RAPH1: variants seen among roughly 807,000 people sequenced by gnomAD.
RAPH1 encodes ras-associated and pleckstrin homology domains-containing protein 1.
Under a neutral mutation model 88.1 loss-of-function variants are expected in RAPH1, and 18 were observed. The observed-to-expected ratio is 0.20, with a 90% CI of 0.14 to 0.30. RAPH1 has a LOEUF of 0.30. RAPH1 is among the 10% of genes least tolerant of loss of function. The pLI is 1.00. For missense variants in RAPH1, 1,448 were observed against 1,543.2 expected (o/e 0.94, Z 1.03); for synonymous variants, 587 against 559.0 (o/e 1.05, Z -0.71).
At chr2:203,510,040 T>C (rs895179263) in intron 1 of RAPH1, among the ~76,000 whole-genome samples, 3 of 152,092 alleles carry the variant, frequency 2.0e-5, no homozygotes, top group African/African-American at 7.2e-5. Flanking sequence ...TTATAAATTA[T>C]ACAGTCTCAG....
At chr2:203,493,971 C>CAAAAAAAAAAAAAA (rs397937732) in intron 2 of RAPH1, among the ~76,000 whole-genome samples, 5 of 18,944 alleles carry the variant, frequency 2.6e-4, no homozygotes, top group Non-Finnish European at 3.6e-4. Flanking sequence ...GACTCTATCT[C>CAAAAAAAAAAAAAA]AAAAAAAAAA....
chr2:203,492,872 A>G (rs1688333604), intron 2 of RAPH1, among the ~76,000 whole-genome samples: 1 of 151,976 alleles, frequency 6.6e-6, no homozygotes, highest in Non-Finnish European at 1.5e-5. Context: ...AAAGCTATGA[A>G]CCCTCTTCCA....
At position 203,440,117 on chromosome 2, in the gene RAPH1, G is replaced by A. The variant is rs953437959; in HGVS notation, c.3073C>T (p.Pro1025Ser). The A allele has an allele frequency of 6.2e-7, 1 of 1,613,546 alleles. No individual in the cohort carries two copies. Among genetic ancestry groups the A allele is most frequent in the Non-Finnish European group, 8.5e-7 (1 of 1,180,000 alleles). ...GAAAGATTGAGTTTTCCAGGCTTGG[G>A]GGGTGCTGCAGGAGGTGGTAGGGTC... ...KETLPPPAAPPKPGKLNLSGV... is the reference protein window; with the variant it reads ...KETLPPPAAPSKPGKLNLSGV... Residue 1025 changes from proline to serine, a missense_variant, in exon 14 of 14, where the codon CCC (proline) becomes TCC (serine). Pro to Ser is a moderately conservative substitution (Grantham distance 74, BLOSUM62 -1). Around this residue, in one of 2 missense-constraint regions of RAPH1, gnomAD observed 935 missense variants for 890.1 expected, o/e 1.05. Coordinates refer to ENST00000319170, the MANE Select transcript of RAPH1 (RefSeq NM_213589.3).
intron 1 of RAPH1, among the ~76,000 whole-genome samples, chr2:203,510,238 A>T (rs1268159834): frequency 6.6e-6 from 1 of 150,388 alleles, no homozygotes; most frequent in African/African-American, 2.5e-5. Context: ...CAGGAGGCTA[A>T]CGTAGGAAAA....
intron 4 of RAPH1, among the ~76,000 whole-genome samples, chr2:203,478,213 T>G (rs1200305112): frequency 2.0e-5 from 3 of 151,928 alleles, no homozygotes; most frequent in African/African-American, 7.2e-5. Flanking sequence ...TTTCTGTATT[T>G]TTAGTAGAGA....
At chr2:203,526,801 T>TC (rs1690142157) in intron 1 of RAPH1, among the ~76,000 whole-genome samples, 1 of 151,908 alleles carries the variant, frequency 6.6e-6, no homozygotes, top group South Asian at 2.1e-4. Context: ...TTTTTTTTTT[T>TC]TGAGACAGAG....
intron 1 of RAPH1, among the ~76,000 whole-genome samples, chr2:203,499,133 G>A (rs1399727741): frequency 6.6e-6 from 1 of 152,158 alleles, no homozygotes; most frequent in Non-Finnish European, 1.5e-5. Context: ...ACACATGACT[G>A]TACAGACTCT....
At chr2:203,512,381 C>CA (rs1216777911) in intron 1 of RAPH1, among the ~76,000 whole-genome samples, 1 of 144,108 alleles carries the variant, frequency 6.9e-6, no homozygotes, top group Non-Finnish European at 1.5e-5. Context: ...ACCCAAAAAA[C>CA]AAAAAACAAA....
chr2:203,508,930 C>T (rs1013366856), intron 1 of RAPH1, among the ~76,000 whole-genome samples: 2 of 152,078 alleles, frequency 1.3e-5, no homozygotes, highest in Non-Finnish European at 1.5e-5. Context: ...TATGCATATG[C>T]TCCCTTTCCT....
At position 203,436,241 on chromosome 2, in the gene RAPH1, T is replaced by C. The variant is rs756914138; in HGVS notation, c.*3196A>G. Reference sequence around the variant, plus strand: ...GGACTATAAAACGCCATGTTTACTTTGTTTGAAATTTTCTGATGAAAAGTC... The same window carrying C: ...GGACTATAAAACGCCATGTTTACTTCGTTTGAAATTTTCTGATGAAAAGTC... On this transcript the variant is annotated 3_prime_UTR_variant, in exon 14 of 14. Transcript: ENST00000319170. 4.6e-5 allele frequency: 7 copies of C among 152,236 alleles called. No individual in the cohort carries two copies. The highest frequency in any genetic ancestry group is 8.8e-5 in the Non-Finnish European group (6 of 68,046). 9.4% of individuals were successfully genotyped at this position (152,236 alleles called of 1,614,324 possible). A position where few individuals can be genotyped will look rare whatever the true frequency, so the allele number is the denominator to read the frequency against.
At chr2:203,506,832 C>A (rs28392538) in intron 1 of RAPH1, among the ~76,000 whole-genome samples, 5 of 11,674 alleles carry the variant, frequency 4.3e-4, no homozygotes, top group African/African-American at 5.6e-4. Flanking sequence ...ATATATATAT[C>A]TATATCTATA....
intron 4 of RAPH1, among the ~76,000 whole-genome samples, chr2:203,462,402 AAAC>A (rs1208051819): frequency 1.3e-5 from 2 of 152,212 alleles, no homozygotes; most frequent in Non-Finnish European, 2.9e-5. Context: ...CTACAACAAA[AAAC>A]AATACCTACC....
At chr2:203,480,260 T>C (rs1275510129) in intron 4 of RAPH1, among the ~76,000 whole-genome samples, 4 of 152,194 alleles carry the variant, frequency 2.6e-5, no homozygotes, top group Non-Finnish European at 4.4e-5. Context: ...TTAAAAAGCA[T>C]TGATCTGGCT....
At chr2:203,496,074 G>A (rs1688496745) in intron 1 of RAPH1, among the ~76,000 whole-genome samples, 1 of 152,206 alleles carries the variant, frequency 6.6e-6, no homozygotes, top group Non-Finnish European at 1.5e-5. Flanking sequence ...ATAAAATAGT[G>A]TGGCTGGGCG....
At chr2:203,525,158 A>G (rs892452484) in intron 1 of RAPH1, among the ~76,000 whole-genome samples, 5 of 152,202 alleles carry the variant, frequency 3.3e-5, no homozygotes, top group African/African-American at 9.6e-5. Flanking sequence ...CAACAGGAAA[A>G]TGGATAAGAA....
chr2:203,476,927 A>G (rs1238145086), intron 4 of RAPH1: 1 of 585,082 alleles, frequency 1.7e-6, no homozygotes, highest in Non-Finnish European at 3.0e-6. Context: ...CCATATCTAA[A>G]GTTGCTTATT....
chr2:203,467,819 G>A (rs2098529836), intron 4 of RAPH1, among the ~76,000 whole-genome samples: 1 of 151,886 alleles, frequency 6.6e-6, no homozygotes, highest in Non-Finnish European at 1.5e-5. Flanking sequence ...CCAGGCTAGA[G>A]TGCAGTGGTG....
Position 203,439,560 on chromosome 2 carries a change from C to T in RAPH1, c.3630G>A (p.Leu1210=). ...CGTAACCAGCCTTCTGTTGATCAGA[C>T]AGCAGTTCAGGGGGTGGTGGAGGCA... is the stretch of plus-strand genomic sequence containing the variant. ...MALPPPPPEL[L]SDQQKAGYGG... The change falls in exon 14 of 14, where the codon CTG becomes CTA. Residue 1210 remains leucine (L), a synonymous_variant. Coordinates refer to ENST00000319170, the MANE Select transcript of RAPH1 (RefSeq NM_213589.3). 1 of 1,614,138 alleles carries T rather than the reference C, an allele frequency of 6.2e-7. No homozygotes were observed. The highest frequency in any genetic ancestry group is 8.5e-7 in the Non-Finnish European group (1 of 1,180,016).
chr2:203,439,491 G>A lies in RAPH1; in HGVS notation c.3699C>T (p.Pro1233=), dbSNP rs2465520. The change falls in exon 14 of 14, where the codon CCC becomes CCT. Residue 1233 remains proline, a synonymous_variant. Coordinates refer to ENST00000319170, the MANE Select transcript of RAPH1 (RefSeq NM_213589.3). The part of the protein sequence containing the change: ...ISGYATLRRG[P]PPAPPKRDQN... ...GGTCTCTTTTGGGGGGAGCAGGAGG[G>A]GGTCCTCTCCGCAACGTTGCATAGC... 183,885 of 1,613,732 alleles carry A rather than the reference G, an allele frequency of 0.11. 12,513 individuals carry two copies. Among genetic ancestry groups the A allele is most frequent in the African/African-American group, 0.31 (23,238 of 74,916 alleles).
Sources: gnomAD v4.1 joint callset for allele counts (sites outside exome capture counted in the v4.1 genomes callset) on GRCh38, gnomAD v4.1.1 for gene constraint, gnomAD v4.1.1 regional missense constraint, MANE v1.5 for transcripts, NCBI Gene and HGNC (gene_info 2026-07-23, HGNC 2026-07-21) for gene names.